Variants in RBFOX1 observed in about 807,000 individuals in gnomAD.
The protein encoded by RBFOX1 is RNA binding protein fox-1 homolog 1.
Under a neutral mutation model 57.7 loss-of-function variants are expected in RBFOX1, and 8 were observed. That is an observed-to-expected ratio of 0.14 (90% CI 0.08 to 0.25). The LOEUF (loss-of-function observed/expected upper bound fraction) is 0.25, where lower values mean the gene tolerates loss of function less well. Ranked by LOEUF, RBFOX1 falls within the 10% of genes least tolerant of loss-of-function variation. The pLI is 1.00. For missense variants in RBFOX1, 611 were observed against 548.5 expected (o/e 1.11, Z -1.14); for synonymous variants, 326 against 222.4 (o/e 1.47, Z -4.15).
intron 1 of RBFOX1, among the ~76,000 whole-genome samples, chr16:6,020,660 AG>A (rs1247430351): frequency 6.6e-6 from 1 of 152,068 alleles, no homozygotes; most frequent in East Asian, 1.9e-4. Context: ...AAGGAAACAC[AG>A]GGGTAGCAGA....
chr16:7,344,418 T>C (rs946314924), intron 4 of RBFOX1, among the ~76,000 whole-genome samples: 2 of 150,026 alleles, frequency 1.3e-5, no homozygotes, highest in African/African-American at 4.9e-5. Context: ...TTCAATAATA[T>C]ATGCAATAAT....
At chr16:6,016,050 G>A (rs1454998845), upstream of RBFOX1, among the ~76,000 whole-genome samples, 1 of 152,178 alleles carries the variant, frequency 6.6e-6, no homozygotes. Flanking sequence ...CATTTAGACA[G>A]CAATCTACTG....
At chr16:6,637,483 TCC>T (rs2098454195) in intron 2 of RBFOX1, among the ~76,000 whole-genome samples, 1 of 59,820 alleles carries the variant, frequency 1.7e-5, no homozygotes, top group East Asian at 5.8e-4. Flanking sequence ...ATATATAATA[TCC>T]TATATATTAT....
chr16:5,829,289 GT>G (rs1162670713), intron 3 of RBFOX1, among the ~76,000 whole-genome samples: 1 of 152,170 alleles, frequency 6.6e-6, no homozygotes, highest in African/African-American at 2.4e-5. Flanking sequence ...GCTAAGGGAA[GT>G]TATTGAAGGG....
chr16:7,040,563 T>C (rs2045833433), intron 3 of RBFOX1, among the ~76,000 whole-genome samples: 1 of 138,034 alleles, frequency 7.2e-6, no homozygotes, highest in African/African-American at 3.6e-5. Flanking sequence ...CTCTGTCCCT[T>C]CTTCTCCACT....
intron 1 of RBFOX1, among the ~76,000 whole-genome samples, chr16:6,217,940 G>A (rs1451903278): frequency 6.6e-6 from 1 of 152,148 alleles, no homozygotes; most frequent in East Asian, 1.9e-4. Context: ...CACTTAAACC[G>A]GGGAGGTGGA....
At chr16:5,673,551 G>T (rs747715064) in intron 3 of RBFOX1, among the ~76,000 whole-genome samples, 1 of 152,174 alleles carries the variant, frequency 6.6e-6, no homozygotes, top group African/African-American at 2.4e-5. Flanking sequence ...GTGTCACTGA[G>T]GCCAGACCTG....
chr16:6,772,202 C>T (rs1390732049), intron 3 of RBFOX1, among the ~76,000 whole-genome samples: 1 of 151,904 alleles, frequency 6.6e-6, no homozygotes, highest in African/African-American at 2.4e-5. Context: ...TGTGAGCCTC[C>T]CAAGTAGAAG....
In RBFOX1 at chr16:6,648,945, C is replaced by T. The variant is rs139094401; in HGVS notation, c.-63-5658C>T. ...CAATATCATATACATTACCTCACAA[C>T]GTCATTTTTTTGTGGTTAGAACACA... On this transcript the variant is annotated intron_variant, in intron 2 of 15. Coordinates refer to ENST00000550418, the MANE Select transcript of RBFOX1 (RefSeq NM_018723.4). Among the ~76,000 whole-genome samples the T allele has an allele frequency of 5.6e-4, 86 of 152,214 alleles. 1 individual carries two copies. The East Asian group carries it at 0.015, about 26-fold the overall frequency.
intron 2 of RBFOX1, among the ~76,000 whole-genome samples, chr16:5,584,216 C>G (rs1433713252): frequency 1.3e-5 from 2 of 152,318 alleles, no homozygotes; most frequent in Non-Finnish European, 2.9e-5. Context: ...TTTTACACTT[C>G]ACTTGTTTTG....
chr16:7,700,035 G>C lies in RBFOX1; in HGVS notation c.996-9021G>C, dbSNP rs537735571. ...TGGTGCTGTAGAGGGACATTCCTTG[G>C]GGTTCAGGGCCCAGAACCTCCCTAC... On this transcript the variant is annotated intron_variant, in intron 14 of 15. Coordinates refer to ENST00000550418, the MANE Select transcript of RBFOX1 (RefSeq NM_018723.4). Among the ~76,000 whole-genome samples the C allele has an allele frequency of 9.5e-4, 145 of 152,076 alleles. 1 individual carries two copies. Among genetic ancestry groups the C allele is most frequent in the Non-Finnish European group, 1.7e-3 (115 of 67,986 alleles).
chr16:7,677,144 C>T (rs975385568), intron 14 of RBFOX1, among the ~76,000 whole-genome samples: 1 of 151,470 alleles, frequency 6.6e-6, no homozygotes, highest in African/African-American at 2.4e-5. Context: ...CACACACACA[C>T]ACACACACAC....
chr16:5,792,524 A>G (rs913437892), intron 3 of RBFOX1, among the ~76,000 whole-genome samples: 13 of 152,346 alleles, frequency 8.5e-5, no homozygotes, highest in African/African-American at 3.1e-4. Context: ...AAGGTAAGGT[A>G]GAGAAAAGAA....
chr16:5,346,823 G>T (rs1428296345), intron 1 of RBFOX1, among the ~76,000 whole-genome samples: 1 of 152,186 alleles, frequency 6.6e-6, no homozygotes, highest in African/African-American at 2.4e-5. Context: ...GTGCTCTTCA[G>T]TGTTCCCATC....
At chr16:7,455,589 C>G (rs973743049) in intron 4 of RBFOX1, among the ~76,000 whole-genome samples, 2 of 151,492 alleles carry the variant, frequency 1.3e-5, no homozygotes, top group African/African-American at 4.9e-5. Context: ...TTCAAGAGTT[C>G]GAGACCAGCC....
chr16:5,698,396 T>C (rs778453411), intron 3 of RBFOX1, among the ~76,000 whole-genome samples: 3 of 152,220 alleles, frequency 2.0e-5, no homozygotes, highest in Non-Finnish European at 4.4e-5. Flanking sequence ...TGATCATTAC[T>C]TCTATTTTAT....
intron 4 of RBFOX1, among the ~76,000 whole-genome samples, chr16:5,951,471 G>A (rs2152276824): frequency 6.6e-6 from 1 of 151,916 alleles, no homozygotes; most frequent in African/African-American, 2.4e-5. Flanking sequence ...GTGTGTGTAT[G>A]TGTATGTGTA....
rs535414365 is a variant in RBFOX1 at position 5,580,419 on chromosome 16, G to T, written c.259-18483G>T. ...GGTAAGTGCCCACTGAGCTTGCAGAGCATCTCAAGGAGTGGGAGAAGTGGT... is the reference window on the plus strand; with the variant it reads ...GGTAAGTGCCCACTGAGCTTGCAGATCATCTCAAGGAGTGGGAGAAGTGGT... On this transcript the variant is annotated intron_variant, in intron 2 of 2. Transcript: ENST00000585867. Among the ~76,000 whole-genome samples, 4 of 152,334 alleles carry T rather than the reference G, an allele frequency of 2.6e-5. No homozygotes were observed. The East Asian group carries it at 7.7e-4, about 29-fold the overall frequency.
At chr16:7,062,317 C>CAAAAAAAAAAAAAA (rs57989614) in intron 4 of RBFOX1, among the ~76,000 whole-genome samples, 14 of 65,336 alleles carry the variant, frequency 2.1e-4, no homozygotes, top group African/African-American at 5.5e-4. Context: ...GACTCCATCT[C>CAAAAAAAAAAAAAA]AAAAAAAAAA....
Sources: allele counts gnomAD v4.1 joint callset (sites outside exome capture counted in the v4.1 genomes callset), GRCh38; gene constraint gnomAD v4.1.1; transcripts MANE v1.5; gene names NCBI Gene and HGNC (gene_info 2026-07-23, HGNC 2026-07-21).